The following MCTP1 variants were observed in gnomAD, a reference collection of about 807,000 sequenced individuals.
The protein encoded by MCTP1 is multiple C2 and transmembrane domain containing 1, also known as multiple C2 and transmembrane domain-containing protein 1.
Under a neutral mutation model 120.6 loss-of-function variants are expected in MCTP1, and 69 were observed. The ratio of observed to expected loss-of-function variants is 0.57; its 90% CI spans 0.47 to 0.70. The LOEUF (loss-of-function observed/expected upper bound fraction) is 0.70, where lower values mean the gene tolerates loss of function less well. Ranked by LOEUF, MCTP1 falls within the 30% of genes least tolerant of loss-of-function variation. The probability of loss-of-function intolerance (pLI) is 0.00; values close to 1 mark genes in which losing one functional copy is unlikely to be tolerated. For synonymous variants in MCTP1, 529 were observed against 493.1 expected (o/e 1.07, Z -0.96); for missense variants, 1,203 against 1,248.8 (o/e 0.96, Z 0.55).
chr5:94,966,060 A>T (rs1825513430), intron 2 of MCTP1, among the ~76,000 whole-genome samples: 2 of 152,202 alleles, frequency 1.3e-5, no homozygotes, highest in Non-Finnish European at 2.9e-5. Flanking sequence ...AAACAGATTA[A>T]ACAATCCTCA....
At chr5:94,790,458 G>A (rs1463302664) in intron 18 of MCTP1, among the ~76,000 whole-genome samples, 1 of 152,184 alleles carries the variant, frequency 6.6e-6, no homozygotes, top group Non-Finnish European at 1.5e-5. Flanking sequence ...TGGCTCCAGT[G>A]CTAACCATTA....
intron 1 of MCTP1, among the ~76,000 whole-genome samples, chr5:95,178,786 G>C: frequency 6.6e-6 from 1 of 151,862 alleles, no homozygotes; most frequent in Admixed American, 6.6e-5. Context: ...ATCCCCAAAA[G>C]ACCACACCAG....
At chr5:94,933,926 TA>T (rs1298522010) in intron 5 of MCTP1, among the ~76,000 whole-genome samples, 8 of 151,802 alleles carry the variant, frequency 5.3e-5, no homozygotes, top group Admixed American at 3.3e-4. Flanking sequence ...ACTGATACAA[TA>T]AAAAGTCAGT....
intron 1 of MCTP1, among the ~76,000 whole-genome samples, chr5:95,148,974 T>C (rs1388138231): frequency 6.6e-6 from 1 of 152,218 alleles, no homozygotes; most frequent in Non-Finnish European, 1.5e-5. Context: ...GGTGCTGTAA[T>C]TTGGACTGTG....
At chr5:95,233,151 A>C (rs886425406) in intron 1 of MCTP1, among the ~76,000 whole-genome samples, 5 of 152,206 alleles carry the variant, frequency 3.3e-5, no homozygotes, top group Non-Finnish European at 7.3e-5. Flanking sequence ...TTTCAAGTGC[A>C]CGCACAATAT....
Position 94,782,817 on chromosome 5 carries a change from C to T in MCTP1, c.2557-3654G>A, listed in dbSNP as rs188078327. On this transcript the variant is annotated intron_variant, in intron 18 of 22. Transcript: ENST00000515393. ...ACAACATACACTATACATAGGATTT[C>T]CTTGAAGGGGAAAAAATGAAGAGTG... 2.6e-4 allele frequency among the ~76,000 whole-genome samples: 40 copies of T among 152,174 alleles called. No homozygotes were observed. The East Asian group carries it at 7.1e-3, about 27-fold the overall frequency.
chr5:95,096,887 T>C (rs909894885), intron 1 of MCTP1, among the ~76,000 whole-genome samples: 6 of 152,274 alleles, frequency 3.9e-5, no homozygotes, highest in Non-Finnish European at 8.8e-5. Context: ...CTGAAATATA[T>C]ATTATATATC....
chr5:94,760,883 C>G (rs755811810), intron 19 of MCTP1, among the ~76,000 whole-genome samples: 1 of 151,988 alleles, frequency 6.6e-6, no homozygotes, highest in Admixed American at 6.5e-5. Flanking sequence ...CAGGGTCCCA[C>G]TATGTCACCC....
chr5:95,188,632 A>G (rs1221926405), intron 1 of MCTP1, among the ~76,000 whole-genome samples: 2 of 152,222 alleles, frequency 1.3e-5, no homozygotes, highest in Admixed American at 1.3e-4. Flanking sequence ...CATTCTTGAA[A>G]TAACAAGATT....
intron 1 of MCTP1, among the ~76,000 whole-genome samples, chr5:95,128,753 G>A (rs1758815847): frequency 6.6e-6 from 1 of 152,164 alleles, no homozygotes; most frequent in Non-Finnish European, 1.5e-5. Flanking sequence ...TCTAAAGCGG[G>A]TTGTGCGATC....
chr5:94,807,851 T>C (rs1190781447), intron 17 of MCTP1, among the ~76,000 whole-genome samples: 1 of 152,198 alleles, frequency 6.6e-6, no homozygotes, highest in Non-Finnish European at 1.5e-5. Flanking sequence ...GTTTCTCATA[T>C]AGATAATAGA....
At chr5:95,040,919 A>G (rs1842233498) in intron 1 of MCTP1, among the ~76,000 whole-genome samples, 1 of 152,112 alleles carries the variant, frequency 6.6e-6, no homozygotes, top group African/African-American at 2.4e-5. Context: ...TGGGTTTAAG[A>G]ATGGGGTAAT....
At chr5:95,174,895 C>G (rs1373263955) in intron 1 of MCTP1, among the ~76,000 whole-genome samples, 4 of 152,144 alleles carry the variant, frequency 2.6e-5, no homozygotes, top group Admixed American at 2.6e-4. Flanking sequence ...TTGTATTTTT[C>G]TTCTTACATA....
intron 1 of MCTP1, among the ~76,000 whole-genome samples, chr5:95,221,889 G>C (rs1753737450): frequency 6.6e-6 from 1 of 152,138 alleles, no homozygotes; most frequent in African/African-American, 2.4e-5. Context: ...TGCTGTTGTG[G>C]ACCTGAGAAC....
rs555576615 is a variant in MCTP1 at position 95,082,221 on chromosome 5, A to T, written c.721-64737T>A. On this transcript the variant is annotated intron_variant, in intron 1 of 22. Transcript: ENST00000515393. ...TTACCTTGTGCTTCTAGCTCTGCCT[A>T]CCTCACCAACTCAGGGTCCCCTTTT... Among the ~76,000 whole-genome samples, 3 of 152,268 alleles carry T rather than the reference A, an allele frequency of 2.0e-5. No individual in the cohort carries two copies. The East Asian group carries it at 5.8e-4, about 29-fold the overall frequency.
intron 10 of MCTP1, among the ~76,000 whole-genome samples, chr5:94,908,079 T>C (rs915565041): frequency 1.3e-5 from 2 of 152,068 alleles, no homozygotes; most frequent in Non-Finnish European, 2.9e-5. Context: ...AGACAGAATC[T>C]TAGATATATA....
rs758084838 is a variant in MCTP1 at position 94,894,639 on chromosome 5, A to G, written c.1839+10T>C. 1.3e-6 allele frequency: 2 copies of G among 1,556,764 alleles called. No individual in the cohort carries two copies. Among genetic ancestry groups the G allele is most frequent in the East Asian group, 4.6e-5 (2 of 43,882 alleles). On this transcript the variant is annotated intron_variant, in intron 11 of 22. Transcript: ENST00000515393. Reference sequence around the variant, plus strand: ...ATGTGTCTCTGGAAGGAGGAGGGTTACATACGTACATATCTCTTTAATATC... The same window carrying G: ...ATGTGTCTCTGGAAGGAGGAGGGTTGCATACGTACATATCTCTTTAATATC...
At chr5:95,233,670 A>G (rs568578391) in intron 1 of MCTP1, among the ~76,000 whole-genome samples, 1 of 152,340 alleles carries the variant, frequency 6.6e-6, no homozygotes, top group East Asian at 1.9e-4. Flanking sequence ...TCAAAGAATA[A>G]AACAATCAGC....
At chr5:94,935,408 C>A (rs1020812959) in intron 5 of MCTP1, among the ~76,000 whole-genome samples, 5 of 152,010 alleles carry the variant, frequency 3.3e-5, no homozygotes, top group African/African-American at 1.2e-4. Context: ...AAAAAACTCA[C>A]AAGATGACTG....
Sources: allele counts gnomAD v4.1 joint callset (sites outside exome capture counted in the v4.1 genomes callset), GRCh38; gene constraint gnomAD v4.1.1; transcripts MANE v1.5; gene names NCBI Gene and HGNC (gene_info 2026-07-23, HGNC 2026-07-21).